UBE3A: variants seen among roughly 807,000 people sequenced by gnomAD.
UBE3A encodes ubiquitin-protein ligase E3A.
A neutral mutation model predicts 83.4 loss-of-function variants in UBE3A; 6 were observed. The observed-to-expected ratio is 0.07, with a 90% CI of 0.04 to 0.14. UBE3A has a LOEUF of 0.14. Among genes scored for constraint, UBE3A ranks in the 10% least tolerant of loss-of-function variants. The pLI, the probability that UBE3A is intolerant of heterozygous loss-of-function variation, is 1.00. For missense variants in UBE3A, 456 were observed against 1,036.1 expected (o/e 0.44, Z 7.69); for synonymous variants, 337 against 355.4 (o/e 0.95, Z 0.58).
rs576963061 is a variant in UBE3A at position 25,371,247 on chromosome 15, C to T, written c.927G>A (p.Ala309=). Reference sequence around the variant, plus strand: ...GGGCTGCAAGGGGTAGCTTGCTCATCGCTTTGCAAAATAATGGCAAAGCCA... The same window carrying T: ...GGGCTGCAAGGGGTAGCTTGCTCATTGCTTTGCAAAATAATGGCAAAGCCA... ...LEMALPLFCK[A]MSKLPLAAQG... The change falls in exon 6 of 13, where the codon GCG becomes GCA. Residue 309 remains alanine (A), a synonymous_variant. Coordinates refer to ENST00000648336, the MANE Select transcript of UBE3A (RefSeq NM_130839.5). The surrounding 1 kb of genome is among the most constrained non-coding windows in gnomAD (Gnocchi z 5.3). 63 of 1,614,112 alleles carry T rather than the reference C, an allele frequency of 3.9e-5. No individual in the cohort carries two copies. In the African/African-American group the frequency reaches 6.4e-4, roughly 16 times the overall value.
chr15:25,367,799 A>C (rs1031081911), intron 6 of UBE3A, among the ~76,000 whole-genome samples: 1 of 152,100 alleles, frequency 6.6e-6, no homozygotes, highest in Non-Finnish European at 1.5e-5. Flanking sequence ...TCTGGTTTGA[A>C]TTTCACAATA....
chr15:25,353,776 T>G (rs1325826696), intron 11 of UBE3A, among the ~76,000 whole-genome samples: 1 of 152,098 alleles, frequency 6.6e-6, no homozygotes. Flanking sequence ...CTTTCAGAAT[T>G]GGATGATGTA....
At chr15:25,347,619 G>A (rs1248115660) in intron 11 of UBE3A, among the ~76,000 whole-genome samples, 1 of 152,204 alleles carries the variant, frequency 6.6e-6, no homozygotes, top group Non-Finnish European at 1.5e-5. Context: ...AGGATTGCTT[G>A]AACCTGGGAA....
At chr15:25,355,284 T>G (rs1456852320) in intron 9 of UBE3A, among the ~76,000 whole-genome samples, 1 of 152,182 alleles carries the variant, frequency 6.6e-6, no homozygotes, top group Non-Finnish European at 1.5e-5. Context: ...GACTGACACA[T>G]AAACTACTGT....
intron 4 of UBE3A, among the ~76,000 whole-genome samples, chr15:25,381,749 G>A (rs556439096): frequency 1.3e-5 from 2 of 152,268 alleles, no homozygotes; most frequent in South Asian, 2.1e-4. Flanking sequence ...ATTTGTAAGA[G>A]TGAGCAACGG....
intron 11 of UBE3A, among the ~76,000 whole-genome samples, chr15:25,341,782 TC>T (rs2074874804): frequency 1.9e-5 from 1 of 53,466 alleles, no homozygotes; most frequent in African/African-American, 1.0e-4. Flanking sequence ...AAATTTCATC[TC>T]AAAAAAAAAA....
At chr15:25,380,385 C>G (rs1489339046) in intron 4 of UBE3A, among the ~76,000 whole-genome samples, 2 of 152,066 alleles carry the variant, frequency 1.3e-5, no homozygotes, top group Non-Finnish European at 2.9e-5. Context: ...ACAAATACCA[C>G]CTGCCCTTTA....
intron 4 of UBE3A, among the ~76,000 whole-genome samples, chr15:25,399,430 C>T (rs2086533220): frequency 1.3e-5 from 2 of 152,082 alleles, no homozygotes; most frequent in Non-Finnish European, 2.9e-5. Flanking sequence ...GTAGATATTC[C>T]ATTTTCCCAA....
chr15:25,350,289 T>C (rs1279249882), intron 11 of UBE3A, among the ~76,000 whole-genome samples: 1 of 149,412 alleles, frequency 6.7e-6, no homozygotes, highest in Non-Finnish European at 1.5e-5. Context: ...TGACAGAGAC[T>C]TTGTCTCTTT....
intron 4 of UBE3A, among the ~76,000 whole-genome samples, chr15:25,390,939 TAA>T (rs201795004): frequency 2.0e-4 from 27 of 137,894 alleles, no homozygotes; most frequent in African/African-American, 4.8e-4. Flanking sequence ...AGAACTCCTG[TAA>T]AAAAAAAAAA....
At chr15:25,397,069 C>T (rs1291453839) in intron 4 of UBE3A, among the ~76,000 whole-genome samples, 1 of 152,094 alleles carries the variant, frequency 6.6e-6, no homozygotes, top group Non-Finnish European at 1.5e-5. Flanking sequence ...TAGGTTGGTA[C>T]AAAAGTAATT....
At chr15:25,419,260 G>T (rs1261497920) in intron 1 of UBE3A, 1 of 152,032 alleles carries the variant, frequency 6.6e-6, no homozygotes, top group East Asian at 1.9e-4. Context: ...TAAGGGTGTG[G>T]TATACTAACA....
At chr15:25,398,768 TA>T (rs1377607374) in intron 4 of UBE3A, among the ~76,000 whole-genome samples, 26 of 79,708 alleles carry the variant, frequency 3.3e-4, no homozygotes, top group African/African-American at 1.2e-3. Context: ...TTTATTCTTT[TA>T]TTTATATATA....
At chr15:25,398,771 T>TTATTTATATATATA (rs1393685515) in intron 4 of UBE3A, among the ~76,000 whole-genome samples, 7 of 68,946 alleles carry the variant, frequency 1.0e-4, no homozygotes, top group Admixed American at 1.8e-4. Context: ...ATTCTTTTAT[T>TTATTTATATATATA]TATATATATA....
At chr15:25,341,533 G>A (rs958077133) in intron 11 of UBE3A, among the ~76,000 whole-genome samples, 1 of 151,588 alleles carries the variant, frequency 6.6e-6, no homozygotes, top group African/African-American at 2.4e-5. Flanking sequence ...GGAGGCTGAG[G>A]CCAGTGGATC....
intron 6 of UBE3A, among the ~76,000 whole-genome samples, chr15:25,361,728 A>G (rs2078146535): frequency 1.3e-5 from 2 of 152,140 alleles, no homozygotes; most frequent in Admixed American, 1.3e-4. Flanking sequence ...GCCTTCAAAC[A>G]TCTGTTGGCT....
At chr15:25,349,469 T>C (rs1172293831) in intron 11 of UBE3A, among the ~76,000 whole-genome samples, 1 of 150,224 alleles carries the variant, frequency 6.7e-6, no homozygotes, top group Non-Finnish European at 1.5e-5. Context: ...TTGGAGAAAA[T>C]AATCATAAAC....
intron 1 of UBE3A, among the ~76,000 whole-genome samples, chr15:25,427,310 C>T (rs1200231352): frequency 2.6e-5 from 4 of 151,862 alleles, no homozygotes; most frequent in African/African-American, 9.7e-5. Flanking sequence ...AAGAAAGACT[C>T]TCAAGGAAGG....
intron 6 of UBE3A, among the ~76,000 whole-genome samples, chr15:25,363,293 T>C (rs963453037): frequency 1.3e-5 from 2 of 152,354 alleles, no homozygotes; most frequent in Admixed American, 6.5e-5. Flanking sequence ...ATGTATGAAC[T>C]GCTTAGATTA....
Sources: gnomAD v4.1 joint callset for allele counts (sites outside exome capture counted in the v4.1 genomes callset) on GRCh38, gnomAD v4.1.1 for gene constraint, Gnocchi (gnomAD v3.1) non-coding constraint, MANE v1.5 for transcripts, NCBI Gene and HGNC (gene_info 2026-07-23, HGNC 2026-07-21) for gene names.